The following EBF1 variants were observed in gnomAD, a reference collection of about 807,000 sequenced individuals.
EBF1 encodes transcription factor COE1.
EBF1 carries 10 observed loss-of-function variants against 68.4 expected under a neutral mutation model. The observed-to-expected ratio is 0.15, with a 90% CI of 0.09 to 0.25. EBF1 has a LOEUF of 0.25. Ranked by LOEUF, EBF1 falls within the 10% of genes least tolerant of loss-of-function variation. The pLI, the probability that EBF1 is intolerant of heterozygous loss-of-function variation, is 1.00. For synonymous variants in EBF1, 298 were observed against 299.8 expected (o/e 0.99, Z 0.06); for missense variants, 509 against 794.4 (o/e 0.64, Z 4.32).
chr5:159,049,357 A>G (rs1056918203), intron 6 of EBF1, among the ~76,000 whole-genome samples: 3 of 152,208 alleles, frequency 2.0e-5, no homozygotes, highest in African/African-American at 4.8e-5. Context: ...CTAATTAAGC[A>G]TCACTTGAGG....
At chr5:158,834,207 T>G (rs1788218665) in intron 7 of EBF1, among the ~76,000 whole-genome samples, 1 of 152,206 alleles carries the variant, frequency 6.6e-6, no homozygotes, top group Admixed American at 6.5e-5. Flanking sequence ...ATTTAAATCT[T>G]AAGGTTGAAT....
chr5:158,907,179 G>A (rs965906429), intron 6 of EBF1, among the ~76,000 whole-genome samples: 1 of 152,156 alleles, frequency 6.6e-6, no homozygotes, highest in Non-Finnish European at 1.5e-5. Context: ...CTGCCTTCAC[G>A]CAGCAGTCAC....
At chr5:158,747,987 C>T (rs1275598221) in intron 10 of EBF1, among the ~76,000 whole-genome samples, 1 of 152,164 alleles carries the variant, frequency 6.6e-6, no homozygotes, top group African/African-American at 2.4e-5. Context: ...TGGACTGCCC[C>T]TGTGGAAGCA....
intron 6 of EBF1, among the ~76,000 whole-genome samples, chr5:158,888,847 C>T (rs1253789329): frequency 6.6e-6 from 1 of 152,084 alleles, no homozygotes; most frequent in African/African-American, 2.4e-5. Flanking sequence ...CTTCCTCCTT[C>T]TTCCTCTTCA....
In EBF1 at chr5:158,731,080, G is replaced by A. The variant is rs1763995304; in HGVS notation, c.1114C>T (p.Arg372Cys). 1 of 1,613,896 alleles carries A rather than the reference G, an allele frequency of 6.2e-7. No homozygotes were observed. The highest frequency in any genetic ancestry group is 8.5e-7 in the Non-Finnish European group (1 of 1,179,910). The stretch of plus-strand genomic sequence containing the variant: ...GGCAGTATCCTCACCTTTGGCAAAC[G>A]CTCAGGGTCACCAGGGTGCCGAGGA... ...VIPRHPGDPE[R>C]LPKEVILKRA... The change falls in exon 11 of 16, where the codon CGT becomes TGT. Residue 372 changes from arginine (R) to cysteine (C), a missense_variant. By Grantham distance (180) the Arg-to-Cys change is radical (BLOSUM62 -3). This residue lies in a region of EBF1 where 230 missense variants were observed against 467.7 expected (regional missense o/e 0.49). Transcript: ENST00000313708.
chr5:158,896,127 G>A (rs1401480487), intron 6 of EBF1, among the ~76,000 whole-genome samples: 2 of 151,994 alleles, frequency 1.3e-5, no homozygotes, highest in Non-Finnish European at 2.9e-5. Flanking sequence ...TTCACAGAAG[G>A]CAAGTTTCAA....
intron 8 of EBF1, among the ~76,000 whole-genome samples, chr5:158,805,839 A>G (rs10068495): frequency 0.77 from 116,571 of 151,710 alleles, 45,146 homozygotes; most frequent in South Asian, 0.88. Context: ...AGATAGTCAC[A>G]TGTGTTTTCT....
chr5:159,029,202 A>G (rs1000063827), intron 6 of EBF1, among the ~76,000 whole-genome samples: 1 of 152,212 alleles, frequency 6.6e-6, no homozygotes, highest in African/African-American at 2.4e-5. Flanking sequence ...CATGTAAGTA[A>G]AGCCCAATTT....
intron 7 of EBF1, among the ~76,000 whole-genome samples, chr5:158,826,279 C>T (rs956860947): frequency 1.3e-5 from 2 of 152,180 alleles, no homozygotes; most frequent in African/African-American, 4.8e-5. Flanking sequence ...TATAATTACA[C>T]CTTTACTTTC....
chr5:159,064,475 T>A (rs1776404007), intron 6 of EBF1, among the ~76,000 whole-genome samples: 1 of 152,182 alleles, frequency 6.6e-6, no homozygotes, highest in Non-Finnish European at 1.5e-5. Context: ...TACAGATCTG[T>A]CAAATGGAGT....
intron 10 of EBF1, among the ~76,000 whole-genome samples, chr5:158,736,576 T>C (rs1181068987): frequency 6.6e-6 from 1 of 152,222 alleles, no homozygotes; most frequent in Non-Finnish European, 1.5e-5. Context: ...CTATGCCAAG[T>C]AATAAATAAA....
chr5:158,949,786 A>G (rs1815594809), intron 6 of EBF1, among the ~76,000 whole-genome samples: 1 of 152,226 alleles, frequency 6.6e-6, no homozygotes, highest in South Asian at 2.1e-4. Flanking sequence ...TAAGCCATAC[A>G]CACCCTACCC....
intron 9 of EBF1, among the ~76,000 whole-genome samples, chr5:158,789,846 A>G (rs1222512310): frequency 6.6e-6 from 1 of 152,218 alleles, no homozygotes; most frequent in Non-Finnish European, 1.5e-5. Flanking sequence ...AGGGAAGCCA[A>G]TCCTCTTGTT....
In EBF1 at chr5:158,969,920, A is replaced by AAAGAAAGAAAG. The variant is rs1554094009; in HGVS notation, c.554+103475_554+103476insCTTTCTTTCTT. Among the ~76,000 whole-genome samples, 155 of 68,512 alleles carry AAAGAAAGAAAG rather than the reference A, an allele frequency of 2.3e-3. 3 individuals carry two copies. The highest frequency in any genetic ancestry group is 4.0e-3 in the East Asian group (10 of 2,516). The allele number at this position is 68,512 out of a possible 152,430, so 44.9% of individuals were successfully genotyped here. The stretch of plus-strand genomic sequence containing the variant: ...AGAAAGAAAGAAAGAAAGAAAGAAA[A>AAAGAAAGAAAG]AAAAAAAAAAGGCTGCTGGAAGTTT... On this transcript the variant is annotated intron_variant, in intron 6 of 15. Coordinates refer to ENST00000313708, the MANE Select transcript of EBF1 (RefSeq NM_024007.5).
chr5:158,835,684 T>A (rs1470357568), intron 7 of EBF1, among the ~76,000 whole-genome samples: 1 of 152,222 alleles, frequency 6.6e-6, no homozygotes, highest in Non-Finnish European at 1.5e-5. Context: ...AATTTTTTTT[T>A]GTTGTTGTTC....
intron 9 of EBF1, among the ~76,000 whole-genome samples, 159 bp downstream of exon 9, chr5:158,796,186 C>T (rs765930516): frequency 7.2e-5 from 11 of 152,088 alleles, no homozygotes; most frequent in Non-Finnish European, 1.2e-4. Flanking sequence ...TCCTGGTAAA[C>T]CCAAACCAAC....
At chr5:159,022,480 C>CA (rs1766906175) in intron 6 of EBF1, among the ~76,000 whole-genome samples, 1 of 152,176 alleles carries the variant, frequency 6.6e-6, no homozygotes, top group Non-Finnish European at 1.5e-5. Flanking sequence ...AGTGACTGTA[C>CA]ATATTCCCAC....
Position 159,099,715 on chromosome 5 carries a change from A to G in EBF1, c.-237T>C. On this transcript the variant is annotated 5_prime_UTR_variant, in exon 1 of 16. Transcript: ENST00000313708. ...ACCCGAAAAAAAGAAGAAAGGGAAAATCCAACGAAAAGACCAAAATAATAA... is the reference window on the plus strand; with the variant it reads ...ACCCGAAAAAAAGAAGAAAGGGAAAGTCCAACGAAAAGACCAAAATAATAA... 1 of 357,520 alleles carries G rather than the reference A, an allele frequency of 2.8e-6. No homozygotes were observed. Among genetic ancestry groups the G allele is most frequent in the Non-Finnish European group, 4.8e-6 (1 of 210,274 alleles). The allele number at this position is 357,520 out of a possible 1,614,324, so 22.1% of individuals were successfully genotyped here.
chr5:158,816,725 A>C (rs574608568), intron 8 of EBF1, among the ~76,000 whole-genome samples: 1 of 152,320 alleles, frequency 6.6e-6, no homozygotes, highest in African/African-American at 2.4e-5. Flanking sequence ...CAAATTTAAA[A>C]AGATGCCAAA....
Sources: allele counts gnomAD v4.1 joint callset (sites outside exome capture counted in the v4.1 genomes callset), GRCh38; gene constraint gnomAD v4.1.1; regional missense constraint gnomAD v4.1.1; transcripts MANE v1.5; gene names NCBI Gene and HGNC (gene_info 2026-07-23, HGNC 2026-07-21).